The following DNAH5 variants were observed in gnomAD, a reference collection of about 807,000 sequenced individuals.
DNAH5 encodes the protein axonemal beta dynein heavy chain 5.
In DNAH5, 372 loss-of-function variants were observed where a neutral mutation model predicts 518.2. The ratio of observed to expected loss-of-function variants is 0.72; its 90% confidence interval spans 0.66 to 0.78. DNAH5 has a LOEUF of 0.78. Among genes scored for constraint, DNAH5 ranks in the 30% least tolerant of loss-of-function variants. DNAH5 has a pLI of 0.00. For missense variants in DNAH5, 5,523 were observed against 5,687.0 expected (o/e 0.97, Z 0.93); for synonymous variants, 2,039 against 2,025.9 (o/e 1.01, Z -0.17).
At chr5:13,781,723 A>C (rs1379471605) in intron 52 of DNAH5, among the ~76,000 whole-genome samples, 1 of 152,090 alleles carries the variant, frequency 6.6e-6, no homozygotes, top group East Asian at 1.9e-4. Flanking sequence ...ATGTGGAACT[A>C]TAAGTCCAAT....
intron 1 of DNAH5, among the ~76,000 whole-genome samples, chr5:13,935,710 C>A (rs964826461): frequency 3.9e-5 from 6 of 152,172 alleles, no homozygotes; most frequent in Non-Finnish European, 5.9e-5. Flanking sequence ...GAACAGTGCA[C>A]TGTCAATCCG....
chr5:13,714,460 G>C lies in DNAH5; in HGVS notation c.13070C>G (p.Ala4357Gly), dbSNP rs368776967. The C allele has an allele frequency of 1.1e-5, 18 of 1,614,136 alleles. No homozygotes were observed. In the African/African-American group the frequency reaches 2.4e-4, roughly 22 times the overall value. Reference protein sequence around the residue: ...GGDETREAVVARLADDMLEKL... With the variant: ...GGDETREAVVGRLADDMLEKL... ...CTCCAGCATATCATCAGCCAGCCGG[G>C]CCACCACCGCCTCCCGGGTCTCATC... is the stretch of plus-strand genomic sequence containing the variant. Residue 4357 changes from alanine (A) to glycine (G), a missense_variant, in exon 75 of 79, where the codon GCC (alanine) becomes GGC (glycine). By Grantham distance (60) the Ala-to-Gly change is moderately conservative. Transcript: ENST00000265104.
intron 1 of DNAH5, among the ~76,000 whole-genome samples, chr5:13,978,503 T>C (rs921432775): frequency 6.6e-6 from 1 of 152,228 alleles, no homozygotes; most frequent in Non-Finnish European, 1.5e-5. Context: ...TCTATGTGTA[T>C]ATATGTGTGT....
intron 22 of DNAH5, among the ~76,000 whole-genome samples, chr5:13,872,129 A>C (rs1191683997): frequency 6.6e-6 from 1 of 152,124 alleles, no homozygotes; most frequent in Non-Finnish European, 1.5e-5. Flanking sequence ...ACATACTCTG[A>C]GGTCATTCTC....
Position 13,891,693 on chromosome 5 carries a change from A to G in DNAH5, c.2432-572T>C, listed in dbSNP as rs535636575. On this transcript the variant is annotated intron_variant, in intron 16 of 78. Coordinates refer to ENST00000265104, the MANE Select transcript of DNAH5 (RefSeq NM_001369.3). ...TCATATTTTTTATCCTTACATCTTCAATATTTAACCTGGTGCCTATTCCAC... is the reference window on the plus strand; with the variant it reads ...TCATATTTTTTATCCTTACATCTTCGATATTTAACCTGGTGCCTATTCCAC... Among the ~76,000 whole-genome samples, 31 of 152,264 alleles carry G rather than the reference A, an allele frequency of 2.0e-4. No homozygotes were observed. The East Asian group carries it at 5.4e-3, about 27-fold the overall frequency.
intron 30 of DNAH5, among the ~76,000 whole-genome samples, chr5:13,852,934 G>C (rs919738482): frequency 1.3e-5 from 2 of 152,220 alleles, no homozygotes; most frequent in Non-Finnish European, 2.9e-5. Flanking sequence ...GGGCAGCTGT[G>C]GGGTACAGCG....
chr5:13,729,594 C>G (rs1489693199), intron 68 of DNAH5, 34 bp from the exon 69 acceptor site: 2 of 1,567,304 alleles, frequency 1.3e-6, no homozygotes, highest in Non-Finnish European at 1.7e-6. Context: ...TCAGATTTCC[C>G]TTCCTTCACT....
intron 7 of DNAH5, 32 bp downstream of exon 7, chr5:13,919,144 A>G (rs768533904): frequency 1.2e-6 from 2 of 1,613,626 alleles, no homozygotes; most frequent in African/African-American, 1.3e-5. Flanking sequence ...TCTTATTCCC[A>G]TTTCACAAGG....
At chr5:13,884,900 GCACGTGCA>G (rs917035019) in intron 19 of DNAH5, 81 bp downstream of exon 19, 33 of 1,553,416 alleles carry the variant, frequency 2.1e-5, no homozygotes, top group Non-Finnish European at 2.6e-5. Context: ...GAATGTACAT[GCACGTGCA>G]CACGTGCACA....
Position 13,788,719 on chromosome 5 carries a change from C to T in DNAH5, c.8644G>A (p.Ala2882Thr), listed in dbSNP as rs1169466292. The change falls in exon 51 of 79, where the codon GCA (alanine) becomes ACA (threonine). Residue 2882 changes from alanine to threonine, a missense_variant. Ala to Thr is a moderately conservative substitution (Grantham distance 58). Transcript: ENST00000265104. ...VDFLRDAPEA[A>T]GETSEEADAE... is the part of the protein sequence containing the mutation. ...AAATTCCACTTCAATAGTTTACCTG[C>T]AGCTTCAGGTGCATCTCTCAAGAAA... 6.2e-7 allele frequency: 1 copy of T among 1,613,358 alleles called. No individual in the cohort carries two copies. The highest frequency in any genetic ancestry group is 2.2e-5 in the East Asian group (1 of 44,872).
chr5:13,751,051 A>C (rs1750141256), intron 65 of DNAH5, 27 bp downstream of exon 65: 7 of 1,612,094 alleles, frequency 4.3e-6, no homozygotes, highest in Non-Finnish European at 5.1e-6. Flanking sequence ...AGCAATGCAG[A>C]ATGGGAGGGA....
chr5:13,735,276 G>C lies in DNAH5; in HGVS notation c.11616C>G (p.Ile3872Met), dbSNP rs773699669. The change falls in exon 68 of 79, where the codon ATC becomes ATG. Residue 3872 changes from isoleucine (I) to methionine (M), a missense_variant. Ile to Met is a conservative substitution (Grantham distance 10). This residue lies in a region of DNAH5 where 5,121 missense variants were observed against 5,223.3 expected (regional missense o/e 0.98). Transcript: ENST00000265104. ...TATAAACCTCGTAGGTCATGTGCTC[G>C]ATGATATTAGCAATCCTCTTGCTTG... ...PITSKRIANI[I>M]EHMTYEVYKY... is the part of the protein sequence containing the mutation. 1.1e-5 allele frequency: 17 copies of C among 1,613,984 alleles called. No homozygotes were observed. The Admixed American group carries it at 2.8e-4, about 27-fold the overall frequency.
In DNAH5 at chr5:13,721,096, G is replaced by A; in HGVS notation, c.12183C>T (p.Ala4061=). ...TTTCTATTTTTAATCTCTTCCCCAA[G>A]GCAATGATGGAATCTGTGGGGTCTG... ...MGSDPTDSII[A]LGKRLKIETR... The change falls in exon 71 of 79, where the codon GCC becomes GCT. Residue 4061 remains alanine (A), a synonymous_variant. Coordinates refer to ENST00000265104, the MANE Select transcript of DNAH5 (RefSeq NM_001369.3). The A allele has an allele frequency of 6.2e-7, 1 of 1,614,064 alleles. No individual in the cohort carries two copies. The highest frequency in any genetic ancestry group is 8.5e-7 in the Non-Finnish European group (1 of 1,179,988).
rs753644166 is a variant in DNAH5, at chr5:13,737,421, A to G, written c.11286T>C (p.Asp3762=). ...TACTTGTCAGGCGGTAAAGCAAGTT[A>G]TCTTCTAGTTCCTTCATCCTTCTTT... ...ANKRRMKELE[D]NLLYRLTSTQ... is the part of the protein sequence containing the mutation. Residue 3762 remains aspartate, a synonymous_variant, in exon 66 of 79, where the codon GAT becomes GAC. Coordinates refer to ENST00000265104, the MANE Select transcript of DNAH5 (RefSeq NM_001369.3). 7 of 1,614,158 alleles carry G rather than the reference A, an allele frequency of 4.3e-6. No individual in the cohort carries two copies. The highest frequency in any genetic ancestry group is 2.2e-5 in the East Asian group (1 of 44,878).
chr5:13,824,418 C>G, intron 38 of DNAH5, 85 bp from the exon 39 acceptor site: 1 of 1,312,582 alleles, frequency 7.6e-7, no homozygotes, highest in Non-Finnish European at 1.1e-6. Flanking sequence ...ATTATATTCA[C>G]AATAATGAAT....
intron 67 of DNAH5, 72 bp downstream of exon 67, chr5:13,735,746 G>T: frequency 8.7e-7 from 1 of 1,148,580 alleles, no homozygotes. Flanking sequence ...GGAGAAGGAA[G>T]TTATAAATGT....
intron 54 of DNAH5, among the ~76,000 whole-genome samples, chr5:13,776,940 T>A (rs189742143): frequency 6.6e-6 from 1 of 152,244 alleles, no homozygotes; most frequent in Non-Finnish European, 1.5e-5. Flanking sequence ...AAAATCTAAT[T>A]AGCTTTCTTT....
rs757228077 is a variant in DNAH5, at chr5:13,841,178, T to C, written c.5485-48A>G. 1.7e-5 allele frequency: 24 copies of C among 1,418,168 alleles called. 1 individual carries two copies. In the South Asian group the frequency reaches 2.4e-4, roughly 14 times the overall value. The allele number at this position is 1,418,168 out of a possible 1,614,324, so 87.8% of individuals were successfully genotyped here. On this transcript the variant is annotated intron_variant, in intron 33 of 78. Coordinates refer to ENST00000265104, the MANE Select transcript of DNAH5 (RefSeq NM_001369.3). ...CATGAATTTGTATGGCATATTTATG[T>C]ATTTAAATAGAAATACAATGTGATC...
chr5:13,778,777 C>T (rs772659953), intron 53 of DNAH5, among the ~76,000 whole-genome samples: 1 of 152,164 alleles, frequency 6.6e-6, no homozygotes, highest in Non-Finnish European at 1.5e-5. Context: ...TGCATCTCAG[C>T]CTTAGCCACA....
Sources: gnomAD v4.1 joint callset for allele counts (sites outside exome capture counted in the v4.1 genomes callset) on GRCh38, gnomAD v4.1.1 for gene constraint, gnomAD v4.1.1 regional missense constraint, MANE v1.5 for transcripts, NCBI Gene and HGNC (gene_info 2026-07-23, HGNC 2026-07-21) for gene names.